Variants in TUSC3 observed in about 807,000 individuals in gnomAD.
TUSC3 encodes tumor suppressor candidate 3.
TUSC3 carries 45 observed loss-of-function variants against 44.8 expected under a neutral mutation model. That is an observed-to-expected ratio of 1.00 (90% CI 0.79 to 1.29). The LOEUF (loss-of-function observed/expected upper bound fraction) is 1.29, where lower values mean the gene tolerates loss of function less well. Ranked by LOEUF, TUSC3 falls within the 50% of genes most tolerant of loss-of-function variation. TUSC3 has a pLI of 0.00. For missense variants in TUSC3, 519 were observed against 437.9 expected (o/e 1.19, Z -1.65); for synonymous variants, 212 against 152.9 (o/e 1.39, Z -2.85).
At chr8:15,533,973 C>G (rs578044897) in intron 2 of TUSC3, among the ~76,000 whole-genome samples, 1 of 152,054 alleles carries the variant, frequency 6.6e-6, no homozygotes, top group African/African-American at 2.4e-5. Flanking sequence ...TTAGCCATTA[C>G]GCAGATGGCC....
At chr8:15,446,344 G>A (rs1020100276) in intron 1 of TUSC3, among the ~76,000 whole-genome samples, 2 of 152,068 alleles carry the variant, frequency 1.3e-5, no homozygotes, top group Non-Finnish European at 2.9e-5. Context: ...GGCAGAGGCT[G>A]CAATCTCGGC....
At chr8:15,546,891 G>GCCTC (rs1330662508) in intron 1 of TUSC3, among the ~76,000 whole-genome samples, 1 of 151,576 alleles carries the variant, frequency 6.6e-6, no homozygotes, top group Admixed American at 6.6e-5. Flanking sequence ...CTGCCTGCCT[G>GCCTC]CCTCCCAGTT....
chr8:15,555,667 T>C (rs918004437), intron 1 of TUSC3, among the ~76,000 whole-genome samples: 2 of 151,678 alleles, frequency 1.3e-5, no homozygotes, highest in African/African-American at 4.8e-5. Flanking sequence ...AATTTCCTGA[T>C]GTTTTGATAT....
chr8:15,750,271 G>A (rs908031649), intron 9 of TUSC3, among the ~76,000 whole-genome samples: 1 of 151,986 alleles, frequency 6.6e-6, no homozygotes, highest in African/African-American at 2.4e-5. Context: ...GAGCCACCAC[G>A]CCCAGCTGAG....
intron 2 of TUSC3, among the ~76,000 whole-genome samples, chr8:15,485,248 C>T (rs979256152): frequency 6.6e-6 from 1 of 152,180 alleles, no homozygotes; most frequent in Non-Finnish European, 1.5e-5. Flanking sequence ...GGCAGTGCAG[C>T]ATTCTCATTA....
intron 6 of TUSC3, among the ~76,000 whole-genome samples, chr8:15,680,711 A>G (rs1312253536): frequency 6.6e-6 from 1 of 152,000 alleles, no homozygotes; most frequent in African/African-American, 2.4e-5. Context: ...GTTGAGTATG[A>G]TGTTGCCTGT....
At chr8:15,449,517 T>C (rs886109363) in intron 1 of TUSC3, among the ~76,000 whole-genome samples, 8 of 152,122 alleles carry the variant, frequency 5.3e-5, no homozygotes, top group Non-Finnish European at 1.5e-5. Context: ...GAGGGGCAGC[T>C]TCAGGCAGTT....
At chr8:15,440,106 C>T (rs1800001240) in intron 1 of TUSC3, among the ~76,000 whole-genome samples, 2 of 152,082 alleles carry the variant, frequency 1.3e-5, no homozygotes, top group African/African-American at 4.8e-5. Flanking sequence ...AGATAATTGC[C>T]CTGAAAGAAG....
chr8:15,612,148 G>GT (rs2129159331), intron 1 of TUSC3, among the ~76,000 whole-genome samples: 1 of 152,268 alleles, frequency 6.6e-6, no homozygotes, highest in Admixed American at 6.5e-5. Context: ...CTATAAGCAA[G>GT]TTTTATTATG....
chr8:15,694,932 A>T (rs1477056615), intron 6 of TUSC3, among the ~76,000 whole-genome samples: 1 of 152,194 alleles, frequency 6.6e-6, no homozygotes, highest in African/African-American at 2.4e-5. Flanking sequence ...GGCAGGGTGC[A>T]TGCTCGTTGC....
chr8:15,516,256 C>T (rs186576825), intron 2 of TUSC3, among the ~76,000 whole-genome samples: 1 of 152,272 alleles, frequency 6.6e-6, no homozygotes, highest in Admixed American at 6.5e-5. Flanking sequence ...AGTATTAAAA[C>T]AATTACAGAG....
chr8:15,706,504 C>G (rs1011822561), intron 6 of TUSC3, among the ~76,000 whole-genome samples: 1 of 151,908 alleles, frequency 6.6e-6, no homozygotes, highest in African/African-American at 2.4e-5. Context: ...ATCATTCAGA[C>G]AGATGTCAGA....
intron 1 of TUSC3, among the ~76,000 whole-genome samples, chr8:15,462,138 C>G (rs1800354417): frequency 6.6e-6 from 1 of 152,074 alleles, no homozygotes; most frequent in South Asian, 2.1e-4. Context: ...CTAAGAGAAC[C>G]TGGTCCAAGC....
At chr8:15,794,591 A>G in the TUSC3 span, among the ~76,000 whole-genome samples, 2 of 152,328 alleles carry the variant, frequency 1.3e-5, no homozygotes, top group East Asian at 3.9e-4. Flanking sequence ...ACTTAAAGCA[A>G]TAGCATAGCC....
At chr8:15,545,114 G>T (rs894832415) in intron 1 of TUSC3, among the ~76,000 whole-genome samples, 1 of 151,610 alleles carries the variant, frequency 6.6e-6, no homozygotes, top group South Asian at 2.1e-4. Context: ...CAGAGAGTTT[G>T]TCATATGCCT....
At chr8:15,767,241 T>C (rs1334710118), downstream of TUSC3, among the ~76,000 whole-genome samples, 1 of 152,102 alleles carries the variant, frequency 6.6e-6, no homozygotes, top group Non-Finnish European at 1.5e-5. Flanking sequence ...CATATATTTA[T>C]ATCATATACC....
At chr8:15,542,976 C>T (rs997674988) in intron 1 of TUSC3, among the ~76,000 whole-genome samples, 20 of 152,146 alleles carry the variant, frequency 1.3e-4, no homozygotes, top group Admixed American at 5.2e-4. Context: ...AATAAGCATG[C>T]GTATCTCTGA....
At chr8:15,665,488 C>A (rs896727805) in intron 5 of TUSC3, among the ~76,000 whole-genome samples, 7 of 150,550 alleles carry the variant, frequency 4.6e-5, no homozygotes, top group African/African-American at 1.7e-4. Context: ...CTTTTTTTTA[C>A]TGTGTTATTT....
At chr8:15,768,661 G>A (rs1290777630), downstream of TUSC3, among the ~76,000 whole-genome samples, 1 of 152,186 alleles carries the variant, frequency 6.6e-6, no homozygotes, top group Non-Finnish European at 1.5e-5. Context: ...TTGTCTGTTT[G>A]TAGATGACAT....
Sources: allele counts gnomAD v4.1 joint callset (sites outside exome capture counted in the v4.1 genomes callset), GRCh38; gene constraint gnomAD v4.1.1; transcripts MANE v1.5; gene names NCBI Gene and HGNC (gene_info 2026-07-23, HGNC 2026-07-21).